The following ABLIM2 variants were observed in gnomAD, a reference collection of about 807,000 sequenced individuals.
ABLIM2 encodes actin-binding LIM protein 2.
ABLIM2 carries 53 observed loss-of-function variants against 97.7 expected under a neutral mutation model. That is an observed-to-expected ratio of 0.54 (90% CI 0.44 to 0.68). The LOEUF is 0.68. Among genes scored for constraint, ABLIM2 ranks in the 30% least tolerant of loss-of-function variants. ABLIM2 has a pLI of 0.00. For missense variants in ABLIM2, 835 were observed against 867.2 expected (o/e 0.96, Z 0.47); for synonymous variants, 361 against 345.8 (o/e 1.04, Z -0.49).
intron 6 of ABLIM2, among the ~76,000 whole-genome samples, chr4:8,062,100 A>T (rs1803556665): frequency 6.6e-6 from 1 of 151,582 alleles, no homozygotes; most frequent in Admixed American, 6.6e-5. Context: ...TGTCCCCTCC[A>T]CTGGAGCAGC....
At chr4:8,064,120 G>C (rs1805352982) in intron 6 of ABLIM2, among the ~76,000 whole-genome samples, 1 of 152,334 alleles carries the variant, frequency 6.6e-6, no homozygotes, top group Admixed American at 6.5e-5. Flanking sequence ...GATTTCCTTT[G>C]TTCTGTGTGC....
In ABLIM2 at chr4:7,996,915, TC is replaced by T. The variant is rs1753732718; in HGVS notation, c.1619-3989del. On this transcript the variant is annotated intron_variant, in intron 16 of 20. Coordinates refer to ENST00000447017, the MANE Select transcript of ABLIM2 (RefSeq NM_001130083.2). This position sits in a 1 kb window ranked among gnomAD's most constrained non-coding sequence, Gnocchi z 4.5. The stretch of plus-strand genomic sequence containing the variant: ...TCTCTGGTTGCTTTCAACATTTTTT[TC>T]TTTGTCCTTAATTTTCAGAAATTTA... 6.6e-6 allele frequency among the ~76,000 whole-genome samples: 1 copy of T among 152,190 alleles called. No homozygotes were observed. Among genetic ancestry groups the T allele is most frequent in the Admixed American group, 6.5e-5 (1 of 15,278 alleles).
rs1848641767 is a variant in ABLIM2 at position 8,127,790 on chromosome 4, C to T, written c.11-21153G>A. Reference sequence around the variant, plus strand: ...TGAAATAGACTCCCGCCACACTATGCGCCAGAGACACACCTGTCTCCCAGG... The same window carrying T: ...TGAAATAGACTCCCGCCACACTATGTGCCAGAGACACACCTGTCTCCCAGG... On this transcript the variant is annotated intron_variant, in intron 1 of 20. Transcript: ENST00000447017. The surrounding 1 kb of genome is among the most constrained non-coding windows in gnomAD (Gnocchi z 7.3). The T allele has an allele frequency of 5.7e-6, 5 of 882,074 alleles. No individual in the cohort carries two copies. The highest frequency in any genetic ancestry group is 5.9e-4 in the Middle Eastern group (1 of 1,706). The allele number at this position is 882,074 out of a possible 1,614,324, so 54.6% of individuals were successfully genotyped here. A position where few individuals can be genotyped will look rare whatever the true frequency, so the allele number is the denominator to read the frequency against.
chr4:7,982,448 C>T lies in ABLIM2; in HGVS notation c.1824+816G>A, dbSNP rs190407739. On this transcript the variant is annotated intron_variant, in intron 20 of 20. Coordinates refer to ENST00000447017, the MANE Select transcript of ABLIM2 (RefSeq NM_001130083.2). Reference sequence around the variant, plus strand: ...GGCTGGATGCTGGGACACCGTAGGGCGGTTGTGAGGAGTAACAGAGGATTG... The same window carrying T: ...GGCTGGATGCTGGGACACCGTAGGGTGGTTGTGAGGAGTAACAGAGGATTG... 4.0e-4 allele frequency among the ~76,000 whole-genome samples: 61 copies of T among 152,338 alleles called. No homozygotes were observed. The East Asian group carries it at 6.4e-3, about 16-fold the overall frequency.
intron 1 of ABLIM2, among the ~76,000 whole-genome samples, chr4:8,145,745 TACACAC>T (rs34195989): frequency 0.14 from 18,913 of 138,598 alleles, 1,403 homozygotes; most frequent in African/African-American, 0.19. Context: ...TACACACTCA[TACACAC>T]ACACACACAC....
rs1758538087 is a variant in ABLIM2 at position 8,003,324 on chromosome 4, G to C, written c.1618+4735C>G. Among the ~76,000 whole-genome samples the C allele has an allele frequency of 6.6e-6, 1 of 152,190 alleles. No individual in the cohort carries two copies. The highest frequency in any genetic ancestry group is 2.4e-5 in the African/African-American group (1 of 41,452). On this transcript the variant is annotated intron_variant, in intron 16 of 20. Transcript: ENST00000447017. This position sits in a 1 kb window ranked among gnomAD's most constrained non-coding sequence, Gnocchi z 4.2. ...CTAGCACACAGCCTGGTGCATCATA[G>C]AGGGCTGGCCGTCTCATGTCATTCG...
rs942012796 is a variant in ABLIM2, at chr4:8,132,667, C to T, written c.10+26013G>A. The stretch of plus-strand genomic sequence containing the variant: ...ACATCATGAAGCACGGCCCCTACCC[C>T]GCTGTCTTCCCTCGGGTGACTCAGT... On this transcript the variant is annotated intron_variant, in intron 1 of 20. Transcript: ENST00000447017. This position sits in a 1 kb window ranked among gnomAD's most constrained non-coding sequence, Gnocchi z 8.0. Among the ~76,000 whole-genome samples the T allele has an allele frequency of 6.6e-6, 1 of 152,216 alleles. No individual in the cohort carries two copies. Among genetic ancestry groups the T allele is most frequent in the Non-Finnish European group, 1.5e-5 (1 of 68,040 alleles).
At chr4:8,097,372 A>C in intron 2 of ABLIM2, 90 bp from the exon 3 acceptor site, 2 of 1,437,042 alleles carry the variant, frequency 1.4e-6, no homozygotes, top group Non-Finnish European at 1.9e-6. Flanking sequence ...CCACACACAC[A>C]CCACCACCTG....
In ABLIM2 at chr4:8,120,944, G is replaced by A. The variant is rs752428635; in HGVS notation, c.11-14307C>T. On this transcript the variant is annotated intron_variant, in intron 1 of 20. Transcript: ENST00000447017. The surrounding 1 kb of genome is among the most constrained non-coding windows in gnomAD (Gnocchi z 5.6). Reference sequence around the variant, plus strand: ...CAGATTGCTAGCTCAGAGAAAGATCGAAATTCAAAATTCAAAGTATGGTTT... The same window carrying A: ...CAGATTGCTAGCTCAGAGAAAGATCAAAATTCAAAATTCAAAGTATGGTTT... Among the ~76,000 whole-genome samples the A allele has an allele frequency of 4.6e-5, 7 of 152,176 alleles. No individual in the cohort carries two copies. Among genetic ancestry groups the A allele is most frequent in the African/African-American group, 7.2e-5 (3 of 41,436 alleles).
At position 8,054,511 on chromosome 4, in the gene ABLIM2, C is replaced by A. The variant is rs757884941; in HGVS notation, c.764-265G>T. Among the ~76,000 whole-genome samples the A allele has an allele frequency of 6.6e-6, 1 of 152,260 alleles. No homozygotes were observed. On this transcript the variant is annotated intron_variant, in intron 7 of 20. Coordinates refer to ENST00000447017, the MANE Select transcript of ABLIM2 (RefSeq NM_001130083.2). This position sits in a 1 kb window ranked among gnomAD's most constrained non-coding sequence, Gnocchi z 4.9. ...CAGGGAAATGGCTGCTGTGCACTAACTGCTCCCACAGGAGGAGGCATAGGG... is the reference window on the plus strand; with the variant it reads ...CAGGGAAATGGCTGCTGTGCACTAAATGCTCCCACAGGAGGAGGCATAGGG...
At chr4:8,011,032 T>C (rs550439809) in intron 14 of ABLIM2, among the ~76,000 whole-genome samples, 2 of 152,332 alleles carry the variant, frequency 1.3e-5, no homozygotes, top group African/African-American at 4.8e-5. Flanking sequence ...GGAAAGTGGA[T>C]CACCACTCTT....
chr4:8,032,717 G>C lies in ABLIM2; in HGVS notation c.1048-2941C>G. 6.2e-7 allele frequency: 1 copy of C among 1,611,694 alleles called. No homozygotes were observed. The highest frequency in any genetic ancestry group is 8.5e-7 in the Non-Finnish European group (1 of 1,179,558). ...ACACACAAAGTGGCCATTAGTGCTG[G>C]CGCCAGGCAGAGAGGGAGGAGGGCA... On this transcript the variant is annotated intron_variant, in intron 10 of 20. Coordinates refer to ENST00000447017, the MANE Select transcript of ABLIM2 (RefSeq NM_001130083.2). The surrounding 1 kb of genome is among the most constrained non-coding windows in gnomAD (Gnocchi z 4.3).
At chr4:7,976,743 G>A (rs931542744) in intron 20 of ABLIM2, among the ~76,000 whole-genome samples, 8 of 151,372 alleles carry the variant, frequency 5.3e-5, no homozygotes, top group Non-Finnish European at 2.9e-5. Context: ...ATACACATAT[G>A]CAAATATGCA....
chr4:8,042,309 C>A (rs190723606), intron 9 of ABLIM2, among the ~76,000 whole-genome samples: 2 of 152,318 alleles, frequency 1.3e-5, no homozygotes, highest in South Asian at 2.1e-4. Context: ...ATGAGTCTAA[C>A]CTTTCCCTCA....
At chr4:8,109,926 C>A (rs1028612401) in intron 1 of ABLIM2, among the ~76,000 whole-genome samples, 1 of 152,236 alleles carries the variant, frequency 6.6e-6, no homozygotes, top group African/African-American at 2.4e-5. Context: ...TTGTCCCACG[C>A]GCCTTTTGCC....
At chr4:8,107,656 C>T (rs1838154494) in intron 1 of ABLIM2, among the ~76,000 whole-genome samples, 1 of 152,200 alleles carries the variant, frequency 6.6e-6, no homozygotes, top group Admixed American at 6.5e-5. Context: ...AGGCGGTGGG[C>T]AGGAGGTTCT....
At chr4:8,029,074 C>T (rs1051060175) in intron 11 of ABLIM2, among the ~76,000 whole-genome samples, 2 of 149,470 alleles carry the variant, frequency 1.3e-5, no homozygotes, top group African/African-American at 4.9e-5. Flanking sequence ...CAGCTGGGCG[C>T]CAGGCAGGGG....
At chr4:8,119,324 CTTTTTTTTTTTT>C (rs71175466) in intron 1 of ABLIM2, among the ~76,000 whole-genome samples, 80 of 108,118 alleles carry the variant, frequency 7.4e-4, no homozygotes, top group African/African-American at 2.6e-3. Context: ...GGGCTTCCTT[CTTTTTTTTTTTT>C]TTTTTTTTTG....
intron 1 of ABLIM2, among the ~76,000 whole-genome samples, chr4:8,107,580 G>A (rs1174930641): frequency 6.6e-6 from 1 of 152,222 alleles, no homozygotes; most frequent in Non-Finnish European, 1.5e-5. Context: ...GACAAGTGGA[G>A]GCAAGTGCTG....
Sources: gnomAD v4.1 joint callset for allele counts (sites outside exome capture counted in the v4.1 genomes callset) on GRCh38, gnomAD v4.1.1 for gene constraint, Gnocchi (gnomAD v3.1) non-coding constraint, MANE v1.5 for transcripts, NCBI Gene and HGNC (gene_info 2026-07-23, HGNC 2026-07-21) for gene names.